The following NRG2 variants were observed in gnomAD, a reference collection of about 807,000 sequenced individuals.
NRG2 encodes pro-neuregulin-2, membrane-bound isoform.
In NRG2, 27 loss-of-function variants were observed where a neutral mutation model predicts 73.9. That is an observed-to-expected ratio of 0.37 (90% CI 0.27 to 0.50). The LOEUF (loss-of-function observed/expected upper bound fraction) is 0.50, where lower values mean the gene tolerates loss of function less well. NRG2 is among the 20% of genes least tolerant of loss of function. The pLI is 0.96. For synonymous variants in NRG2, 532 were observed against 541.0 expected, an observed-to-expected ratio of 0.98 and a Z score of 0.23; for missense variants, 1,126 against 1,210.1, an observed-to-expected ratio of 0.93 and a Z score of 1.03.
chr5:139,941,353 A>G (rs1561696245), intron 1 of NRG2, among the ~76,000 whole-genome samples: 1 of 152,138 alleles, frequency 6.6e-6, no homozygotes, highest in South Asian at 2.1e-4. Context: ...ATACAGGCCT[A>G]TTAATGAGAA....
chr5:139,942,335 C>T (rs538761324), intron 1 of NRG2, among the ~76,000 whole-genome samples: 1 of 152,304 alleles, frequency 6.6e-6, no homozygotes, highest in South Asian at 2.1e-4. Flanking sequence ...TGAATGACCA[C>T]AAGCTTTAAA....
intron 1 of NRG2, among the ~76,000 whole-genome samples, chr5:139,945,340 T>C (rs570136725): frequency 6.6e-6 from 1 of 152,260 alleles, no homozygotes; most frequent in South Asian, 2.1e-4. Context: ...CCTGAAGCAT[T>C]TCTCCTATAT....
chr5:139,852,718 T>C lies in NRG2; in HGVS notation c.1417-159A>G, dbSNP rs1761532969. ...TTGGGGCAGCGATGGCTCCAGCAAA[T>C]CAACCCCCACCCCTTCCTCATGGAA... On this transcript the variant is annotated intron_variant, in intron 7 of 9. Transcript: ENST00000361474. The surrounding 1 kb of genome is among the most constrained non-coding windows in gnomAD (Gnocchi z 4.4). Among the ~76,000 whole-genome samples, 1 of 152,164 alleles carries C rather than the reference T, an allele frequency of 6.6e-6. No individual in the cohort carries two copies. The highest frequency in any genetic ancestry group is 6.5e-5 in the Admixed American group (1 of 15,284).
intron 1 of NRG2, among the ~76,000 whole-genome samples, chr5:139,911,156 G>T (rs1561674239): frequency 1.3e-5 from 2 of 152,046 alleles, no homozygotes; most frequent in Admixed American, 6.6e-5. Context: ...CAATGGGGTG[G>T]GGGGACAGCA....
At chr5:139,973,765 A>G (rs1756161599) in intron 1 of NRG2, among the ~76,000 whole-genome samples, 1 of 152,246 alleles carries the variant, frequency 6.6e-6, no homozygotes, top group Non-Finnish European at 1.5e-5. Context: ...TGACAGATTC[A>G]GTGTCTGGTG....
rs762907038 is a variant in NRG2, at chr5:139,848,625, C to A, written c.1845G>T (p.Val615=). ...VDFHYSLATQ[V]PTFEITSPNS... Reference sequence around the variant, plus strand: ...TGGGGGACGTGATCTCGAAAGTTGGCACCTGCGTGGCCAGCGAGTAGTGGA... The same window carrying A: ...TGGGGGACGTGATCTCGAAAGTTGGAACCTGCGTGGCCAGCGAGTAGTGGA... Residue 615 remains valine (V), a synonymous_variant, in exon 10 of 10, where the codon GTG becomes GTT. Transcript: ENST00000361474. 1 of 1,578,084 alleles carries A rather than the reference C, an allele frequency of 6.3e-7. No homozygotes were observed. Among genetic ancestry groups the A allele is most frequent in the Non-Finnish European group, 8.5e-7 (1 of 1,171,548 alleles).
intron 1 of NRG2, among the ~76,000 whole-genome samples, chr5:139,929,367 A>G (rs1378226632): frequency 6.6e-6 from 1 of 152,180 alleles, no homozygotes; most frequent in Non-Finnish European, 1.5e-5. Flanking sequence ...TATACCTTCT[A>G]CTACAATGAA....
chr5:139,859,324 G>A (rs1384048545), intron 5 of NRG2, among the ~76,000 whole-genome samples: 1 of 152,140 alleles, frequency 6.6e-6, no homozygotes, highest in Non-Finnish European at 1.5e-5. Context: ...GCCTCAAGCA[G>A]ATGGCAAAGC....
intron 1 of NRG2, among the ~76,000 whole-genome samples, chr5:139,899,492 C>T (rs1048108054): frequency 6.6e-6 from 1 of 152,188 alleles, no homozygotes; most frequent in African/African-American, 2.4e-5. Flanking sequence ...GGACTCTAGA[C>T]CTCTAGCTTG....
At chr5:140,027,467 C>T (rs1257059211) in intron 1 of NRG2, among the ~76,000 whole-genome samples, 1 of 152,134 alleles carries the variant, frequency 6.6e-6, no homozygotes, top group African/African-American at 2.4e-5. Flanking sequence ...TAGGATTCAC[C>T]GGAAAAACCA....
At chr5:139,881,745 G>GT (rs1379779049) in intron 2 of NRG2, among the ~76,000 whole-genome samples, 1 of 152,236 alleles carries the variant, frequency 6.6e-6, no homozygotes, top group Non-Finnish European at 1.5e-5. Context: ...AGGAGCTGCA[G>GT]TTCATGAGGA....
intron 1 of NRG2, among the ~76,000 whole-genome samples, chr5:139,939,138 G>T (rs1753164512): frequency 6.6e-6 from 1 of 151,784 alleles, no homozygotes. Context: ...AAATGTAAAA[G>T]CTAAAAAAGT....
intron 3 of NRG2, among the ~76,000 whole-genome samples, chr5:139,874,905 C>T (rs562606704): frequency 4.6e-5 from 7 of 152,338 alleles, no homozygotes; most frequent in African/African-American, 1.7e-4. Context: ...GGAGGCCTCA[C>T]CTGACTTCTT....
At chr5:139,923,123 T>A (rs1176302436) in intron 1 of NRG2, among the ~76,000 whole-genome samples, 1 of 152,178 alleles carries the variant, frequency 6.6e-6, no homozygotes, top group African/African-American at 2.4e-5. Context: ...GATGTGTTAA[T>A]CTAGGTTCGT....
chr5:139,885,616 GA>G (rs1729202877), intron 2 of NRG2, among the ~76,000 whole-genome samples: 1 of 152,018 alleles, frequency 6.6e-6, no homozygotes, highest in South Asian at 2.1e-4. Flanking sequence ...CAGCATTTGA[GA>G]AAAAAAGTCA....
rs1207607403 is a variant in NRG2, at chr5:139,856,914, C to T, written c.1190-1136G>A. On this transcript the variant is annotated intron_variant, in intron 5 of 9. Coordinates refer to ENST00000361474, the MANE Select transcript of NRG2 (RefSeq NM_004883.3). This position sits in a 1 kb window ranked among gnomAD's most constrained non-coding sequence, Gnocchi z 4.2. ...TGGATGGAGTTGTAAACAACCAGACCTCCACCCTAGGTCCCCATCTCTTGG... is the reference window on the plus strand; with the variant it reads ...TGGATGGAGTTGTAAACAACCAGACTTCCACCCTAGGTCCCCATCTCTTGG... 6.6e-6 allele frequency among the ~76,000 whole-genome samples: 1 copy of T among 152,202 alleles called. No individual in the cohort carries two copies. Among genetic ancestry groups the T allele is most frequent in the Non-Finnish European group, 1.5e-5 (1 of 68,024 alleles).
At chr5:139,886,413 T>C (rs1763875681) in intron 2 of NRG2, among the ~76,000 whole-genome samples, 1 of 152,064 alleles carries the variant, frequency 6.6e-6, no homozygotes, top group African/African-American at 2.4e-5. Context: ...TCTAAAACCA[T>C]CCTAATTTGC....
intron 2 of NRG2, among the ~76,000 whole-genome samples, chr5:139,884,234 T>A (rs573292892): frequency 6.6e-6 from 1 of 152,210 alleles, no homozygotes; most frequent in East Asian, 1.9e-4. Flanking sequence ...TAAGGCACCA[T>A]GGGAGGAGAC....
At chr5:140,039,857 T>C (rs1353430469) in intron 1 of NRG2, among the ~76,000 whole-genome samples, 1 of 152,218 alleles carries the variant, frequency 6.6e-6, no homozygotes, top group Admixed American at 6.5e-5. Flanking sequence ...GTTTCCCTAT[T>C]TTGCAATGGG....
Sources: allele counts gnomAD v4.1 joint callset (sites outside exome capture counted in the v4.1 genomes callset), GRCh38; gene constraint gnomAD v4.1.1; non-coding constraint Gnocchi (gnomAD v3.1); transcripts MANE v1.5; gene names NCBI Gene and HGNC (gene_info 2026-07-23, HGNC 2026-07-21).